Variants in ADH1A observed in about 807,000 individuals in gnomAD.
The protein encoded by ADH1A is alcohol dehydrogenase 1A.
In ADH1A, 29 loss-of-function variants were observed where a neutral mutation model predicts 35.2. The observed-to-expected ratio is 0.82, with a 90% CI of 0.61 to 1.12. The LOEUF (loss-of-function observed/expected upper bound fraction) is 1.12, where lower values mean the gene tolerates loss of function less well. ADH1A is among the 50% of genes most tolerant of loss of function. The pLI, the probability that ADH1A is intolerant of heterozygous loss-of-function variation, is 0.00. For missense variants in ADH1A, 469 were observed against 464.7 expected (o/e 1.01, Z -0.09); for synonymous variants, 147 against 164.8 (o/e 0.89, Z 0.83).
intron 6 of ADH1A, among the ~76,000 whole-genome samples, chr4:99,281,597 C>A (rs1346357373): frequency 1.3e-5 from 2 of 152,058 alleles, no homozygotes; most frequent in South Asian, 2.1e-4. Context: ...CAGAGTGAGA[C>A]CCTGTCTCAA....
rs1733189342 is a variant in ADH1A at position 99,287,680 on chromosome 4, A to G, written c.19-15T>C. Reference sequence around the variant, plus strand: ...CATTTGATTACCTAGAAAAGCAAACAGAGAGATGGCACCAGTGTTCTCCCA... The same window carrying G: ...CATTTGATTACCTAGAAAAGCAAACGGAGAGATGGCACCAGTGTTCTCCCA... On this transcript the variant is annotated splice_polypyrimidine_tract_variant and intron_variant, in intron 1 of 8. Transcript: ENST00000209668. 12 of 1,613,556 alleles carry G rather than the reference A, an allele frequency of 7.4e-6. No homozygotes were observed. The highest frequency in any genetic ancestry group is 1.1e-5 in the South Asian group (1 of 91,032).
At position 99,287,629 on chromosome 4, in the gene ADH1A, T is replaced by C; in HGVS notation, c.55A>G (p.Lys19Glu). Residue 19 changes from lysine (K) to glutamate (E), a missense_variant, in exon 2 of 9, where the codon AAG becomes GAG. Physicochemically the swap from Lys to Glu is moderately conservative, Grantham distance 56 (BLOSUM62 1). Transcript: ENST00000209668. ...KCKAAVLWEL[K>E]KPFSIEEVEV... ...ACCTCCTCAATGGAAAAGGGTTTCT[T>C]TAACTCCCATAGCACAGCTGCTTTG... 6.2e-7 allele frequency: 1 copy of C among 1,613,994 alleles called. No homozygotes were observed. The highest frequency in any genetic ancestry group is 8.5e-7 in the Non-Finnish European group (1 of 1,179,912).
Position 99,282,573 on chromosome 4 carries a change from G to T in ADH1A, c.601C>A (p.Leu201Met). The stretch of plus-strand genomic sequence containing the variant: ...ATAGCAGATAGGCCGACCCCTCCCA[G>T]GCCAAACACAGCACAGGTAGAGCCT... ...TPGSTCAVFG[L>M]GGVGLSAIMG... The change falls in exon 6 of 9, where the codon CTG (leucine) becomes ATG (methionine). Residue 201 changes from leucine to methionine, a missense_variant. Transcript: ENST00000209668. The T allele has an allele frequency of 6.2e-7, 1 of 1,614,136 alleles. No individual in the cohort carries two copies. The highest frequency in any genetic ancestry group is 8.5e-7 in the Non-Finnish European group (1 of 1,180,018).
Position 99,284,564 on chromosome 4 carries a change from C to G in ADH1A, c.402G>C (p.Arg134Ser), listed in dbSNP as rs1218253920. The stretch of plus-strand genomic sequence containing the variant: ...CAAGGAAGTGGTGGATGGGCTTCCT[C>G]CTGCAGGTGAACCTGCTGGTGCCAT... The part of the protein sequence containing the change: ...LQDGTSRFTC[R>S]RKPIHHFLGI... Residue 134 changes from arginine (R) to serine (S), a missense_variant, in exon 5 of 9, where the codon AGG (arginine) becomes AGC (serine). Physicochemically the swap from Arg to Ser is moderately radical, Grantham distance 110. Coordinates refer to ENST00000209668, the MANE Select transcript of ADH1A (RefSeq NM_000667.4). 2.1e-5 allele frequency: 34 copies of G among 1,614,118 alleles called. No homozygotes were observed. The highest frequency in any genetic ancestry group is 2.8e-5 in the Non-Finnish European group (33 of 1,180,046).
chr4:99,277,817 T>C (rs1348617631), intron 8 of ADH1A, among the ~76,000 whole-genome samples: 1 of 152,126 alleles, frequency 6.6e-6, no homozygotes, highest in Non-Finnish European at 1.5e-5. Flanking sequence ...AGAATGTTTC[T>C]AATGTTTGAT....
Position 99,282,131 on chromosome 4 carries a change from T to C in ADH1A, c.828+215A>G, listed in dbSNP as rs1177783754. On this transcript the variant is annotated intron_variant, in intron 6 of 8. Transcript: ENST00000209668. Reference sequence around the variant, plus strand: ...AGAAAAACAAGCCCTTTGCTTTTCCTCTAGAGGAAATATGACTTGAGACAC... The same window carrying C: ...AGAAAAACAAGCCCTTTGCTTTTCCCCTAGAGGAAATATGACTTGAGACAC... The C allele has an allele frequency of 5.8e-6, 5 of 867,718 alleles. No individual in the cohort carries two copies. The African/African-American group carries it at 6.8e-5, about 12-fold the overall frequency. The allele number at this position is 867,718 out of a possible 1,614,324, so 53.8% of individuals were successfully genotyped here. A position where few individuals can be genotyped will look rare whatever the true frequency, so the allele number is the denominator to read the frequency against.
chr4:99,286,736 C>T, intron 3 of ADH1A, 114 bp downstream of exon 3: 1 of 1,520,338 alleles, frequency 6.6e-7, no homozygotes, highest in East Asian at 2.3e-5. Flanking sequence ...GAAGTCCTGG[C>T]TGCGCGGTGA....
At chr4:99,287,791 A>C in intron 1 of ADH1A, 126 bp from the exon 2 acceptor site, 2 of 963,998 alleles carry the variant, frequency 2.1e-6, no homozygotes, top group Non-Finnish European at 3.1e-6. Flanking sequence ...GCTCTATAGA[A>C]ATGATCACCT....
intron 8 of ADH1A, chr4:99,278,644 C>T (rs1359543307): frequency 4.6e-5 from 7 of 151,990 alleles, no homozygotes; most frequent in African/African-American, 7.2e-5. Flanking sequence ...TTGAAAATCT[C>T]GTGAAAATAA....
In ADH1A at chr4:99,284,583, G is replaced by A; in HGVS notation, c.383C>T (p.Thr128Ile). Reference protein sequence around the residue: ...SNPQGTLQDGTSRFTCRRKPI... With the variant: ...SNPQGTLQDGISRFTCRRKPI... ...CTTCCTCCTGCAGGTGAACCTGCTG[G>A]TGCCATCCTGCAGGGTCCCCTGAGG... The change falls in exon 5 of 9, where the codon ACC becomes ATC. Residue 128 changes from threonine (T) to isoleucine (I), a missense_variant. Physicochemically the swap from Thr to Ile is moderately conservative, Grantham distance 89 (BLOSUM62 -1). Coordinates refer to ENST00000209668, the MANE Select transcript of ADH1A (RefSeq NM_000667.4). 6.2e-7 allele frequency: 1 copy of A among 1,614,160 alleles called. No individual in the cohort carries two copies. Among genetic ancestry groups the A allele is most frequent in the Non-Finnish European group, 8.5e-7 (1 of 1,180,020 alleles).
chr4:99,282,117 C>T, intron 6 of ADH1A: 1 of 727,038 alleles, frequency 1.4e-6, no homozygotes, highest in Non-Finnish European at 2.2e-6. Flanking sequence ...GAAAAACAAG[C>T]CCTTTGCTTT....
intron 5 of ADH1A, 25 bp from the exon 6 acceptor site, chr4:99,282,631 T>G: frequency 1.2e-6 from 2 of 1,604,408 alleles, no homozygotes; most frequent in Non-Finnish European, 1.7e-6. Flanking sequence ...AATGCAAAAA[T>G]GGATTATAAA....
chr4:99,281,178 C>T (rs1383101108), intron 6 of ADH1A: 3 of 152,096 alleles, frequency 2.0e-5, no homozygotes, highest in Admixed American at 6.5e-5. Context: ...GGCATTTGTC[C>T]CAGGGCAAGG....
At chr4:99,287,029 C>G in intron 2 of ADH1A, 41 bp from the exon 3 acceptor site, 1 of 1,580,448 alleles carries the variant, frequency 6.3e-7, no homozygotes, top group East Asian at 2.2e-5. Context: ...GATTGTGAGT[C>G]TCAGGTGAAT....
intron 1 of ADH1A, 63 bp from the exon 2 acceptor site, chr4:99,287,728 C>G: frequency 6.4e-7 from 1 of 1,572,494 alleles, no homozygotes; most frequent in Non-Finnish European, 8.7e-7. Flanking sequence ...GATATTGTGT[C>G]ATTTCATCTT....
In ADH1A at chr4:99,287,571, C is replaced by T. The variant is rs150829005; in HGVS notation, c.113G>A (p.Arg38His). 2.1e-5 allele frequency: 34 copies of T among 1,611,684 alleles called. 1 individual carries two copies. Among genetic ancestry groups the T allele is most frequent in the African/African-American group, 1.6e-4 (12 of 74,962 alleles). Reference protein sequence around the residue: ...EVAPPKAHEVRIKMVAVGICG... With the variant: ...EVAPPKAHEVHIKMVAVGICG... ...TGGAAAAATGTATTTCACCTTAATA[C>T]GAACTTCATGGGCCTTAGGAGGTGC... is the stretch of plus-strand genomic sequence containing the variant. The change falls in exon 2 of 9, where the codon CGT (arginine) becomes CAT (histidine). Residue 38 changes from arginine to histidine, a missense_variant. Physicochemically the swap from Arg to His is conservative, Grantham distance 29. Transcript: ENST00000209668.
At chr4:99,289,458 C>T (rs1560520029) in intron 1 of ADH1A, among the ~76,000 whole-genome samples, 1 of 152,082 alleles carries the variant, frequency 6.6e-6, no homozygotes, top group Non-Finnish European at 1.5e-5. Context: ...TTTCACTACT[C>T]GGTGTCAGTA....
intron 6 of ADH1A, chr4:99,281,942 G>T: frequency 5.0e-6 from 1 of 200,358 alleles, no homozygotes; most frequent in Non-Finnish European, 1.0e-5. Context: ...AAAAAAATTG[G>T]AATTTATTAA....
In ADH1A at chr4:99,284,408, A is replaced by T; in HGVS notation, c.558T>A (p.Asn186Lys). The change falls in exon 5 of 9, where the codon AAT becomes AAA. Residue 186 changes from asparagine to lysine, a missense_variant. Physicochemically the swap from Asn to Lys is moderately conservative, Grantham distance 94 (BLOSUM62 0). Transcript: ENST00000209668. ...CCATTGCCATTCTTACCTTGGCAAC[A>T]TTGACTGCAGACCCATAACCAGTTG... ...GFSTGYGSAV[N>K]VAKVTPGSTC... 1.2e-6 allele frequency: 2 copies of T among 1,614,100 alleles called. No individual in the cohort carries two copies. The highest frequency in any genetic ancestry group is 1.7e-6 in the Non-Finnish European group (2 of 1,180,006).
Sources: gnomAD v4.1 joint callset for allele counts (sites outside exome capture counted in the v4.1 genomes callset) on GRCh38, gnomAD v4.1.1 for gene constraint, MANE v1.5 for transcripts, NCBI Gene and HGNC (gene_info 2026-07-23, HGNC 2026-07-21) for gene names.